Variants in AP4E1 observed in about 807,000 individuals in gnomAD.
AP4E1 encodes AP-4 complex subunit epsilon-1.
AP4E1 carries 56 observed loss-of-function variants against 128.2 expected under a neutral mutation model. That is an observed-to-expected ratio of 0.44 (90% confidence interval 0.35 to 0.55). The LOEUF (loss-of-function observed/expected upper bound fraction) is 0.55, where lower values mean the gene tolerates loss of function less well. Among genes scored for constraint, AP4E1 ranks in the 20% least tolerant of loss-of-function variants. The pLI, the probability that AP4E1 is intolerant of heterozygous loss-of-function variation, is 0.00. For missense variants in AP4E1, 1,324 were observed against 1,307.7 expected (o/e 1.01, Z -0.19); for synonymous variants, 484 against 473.1 (o/e 1.02, Z -0.30).
At position 51,002,540 on chromosome 15, in the gene AP4E1, A is replaced by G; in HGVS notation, c.3292A>G (p.Ile1098Val). 1.9e-6 allele frequency: 3 copies of G among 1,614,078 alleles called. No homozygotes were observed. Among genetic ancestry groups the G allele is most frequent in the Non-Finnish European group, 2.5e-6 (3 of 1,179,994 alleles). The change falls in exon 21 of 21, where the codon ATC becomes GTC. Residue 1098 changes from isoleucine to valine, a missense_variant. By Grantham distance (29) the Ile-to-Val change is conservative. Coordinates refer to ENST00000261842, the MANE Select transcript of AP4E1 (RefSeq NM_007347.5). ...GLLACQLLPS[I>V]PCLLHCRVHA... ...ATTGGCCTGTCAGCTGCTCCCATCC[A>G]TCCCCTGCTTACTGCATTGCCGAGT... is the stretch of plus-strand genomic sequence containing the variant.
Position 50,997,326 on chromosome 15 carries a change from C to A in AP4E1, c.2347C>A (p.Leu783Met). ...GLGSESTINL[L>M]GKADTVSHKF... is the part of the protein sequence containing the mutation. Reference sequence around the variant, plus strand: ...ATATTATTATGTTTTATTTTTGCAGCTGGGAAAAGCAGATACTGTCTCTCA... The same window carrying A: ...ATATTATTATGTTTTATTTTTGCAGATGGGAAAAGCAGATACTGTCTCTCA... The change falls in exon 18 of 21, where the codon CTG (leucine) becomes ATG (methionine). Residue 783 changes from leucine (L) to methionine (M), a missense_variant and splice_region_variant. Physicochemically the swap from Leu to Met is conservative, Grantham distance 15. Coordinates refer to ENST00000261842, the MANE Select transcript of AP4E1 (RefSeq NM_007347.5). 6.3e-7 allele frequency: 1 copy of A among 1,585,868 alleles called. No individual in the cohort carries two copies. The highest frequency in any genetic ancestry group is 1.4e-5 in the African/African-American group (1 of 73,094).
rs1480707420 is a variant in AP4E1 at position 50,993,442 on chromosome 15, CAAA to C, written c.2165_2167del (p.Lys722del). ...AAGGCTATCTTCCCAAGAAGGAAAG[CAAA>C]ACTGGTGATGAAAGTGGAGCTCTGC... On this transcript the variant is annotated inframe_deletion, in exon 17 of 21. Coordinates refer to ENST00000261842, the MANE Select transcript of AP4E1 (RefSeq NM_007347.5). 6.2e-7 allele frequency: 1 copy of C among 1,613,862 alleles called. No individual in the cohort carries two copies. The highest frequency in any genetic ancestry group is 8.5e-7 in the Non-Finnish European group (1 of 1,179,934).
In AP4E1 at chr15:50,965,808, CT is replaced by C. The variant is rs554277330; in HGVS notation, c.1852-2451del. On this transcript the variant is annotated intron_variant, in intron 14 of 20. Coordinates refer to ENST00000261842, the MANE Select transcript of AP4E1 (RefSeq NM_007347.5). ...ACCATTTTGGAGCTTGATCATCCAC[CT>C]TTTAGTTTCACACCTACTTTTTGCC... Among the ~76,000 whole-genome samples the C allele has an allele frequency of 4.7e-3, 712 of 152,278 alleles. 9 individuals are homozygous for C. Among genetic ancestry groups the C allele is most frequent in the African/African-American group, 0.017 (692 of 41,554 alleles).
intron 10 of AP4E1, 27 bp from the exon 11 acceptor site, chr15:50,947,993 T>C: frequency 6.6e-7 from 1 of 1,516,788 alleles, no homozygotes; most frequent in East Asian, 2.3e-5. Context: ...TTTATAATAT[T>C]GTTTTTAATT....
chr15:51,001,218 A>G (rs1230770631), intron 20 of AP4E1, 35 bp downstream of exon 20: 11 of 1,585,702 alleles, frequency 6.9e-6, no homozygotes, highest in Non-Finnish European at 9.5e-6. Flanking sequence ...TTCTGTGTTT[A>G]TAGGAGCTTT....
At chr15:50,933,999 G>A (rs960956713) in intron 7 of AP4E1, among the ~76,000 whole-genome samples, 31 of 152,082 alleles carry the variant, frequency 2.0e-4, no homozygotes, top group Admixed American at 6.5e-4. Flanking sequence ...TCTAACAAGC[G>A]TGGAGGCAGA....
At chr15:50,962,228 A>G (rs2064325435) in intron 14 of AP4E1, among the ~76,000 whole-genome samples, 1 of 152,086 alleles carries the variant, frequency 6.6e-6, no homozygotes, top group Admixed American at 6.6e-5. Context: ...TCAAAATACC[A>G]ATGACAGTCT....
chr15:50,958,579 G>A lies in AP4E1; in HGVS notation c.1636G>A (p.Val546Met), dbSNP rs777565969. Residue 546 changes from valine (V) to methionine (M), a missense_variant, in exon 14 of 21, where the codon GTG becomes ATG. Val to Met is a conservative substitution (Grantham distance 21). Coordinates refer to ENST00000261842, the MANE Select transcript of AP4E1 (RefSeq NM_007347.5). ...KLYKLLMNDS[V>M]SSETKAWLIA... ...CTACAAGTTACTTATGAATGACTCT[G>A]TGTCTTCAGAAACAAAAGCCTGGTT... The A allele has an allele frequency of 5.6e-6, 9 of 1,613,974 alleles. No homozygotes were observed. Among genetic ancestry groups the A allele is most frequent in the Non-Finnish European group, 6.8e-6 (8 of 1,180,012 alleles).
chr15:50,968,389 T>C lies in AP4E1; in HGVS notation c.1966+12T>C, dbSNP rs368304744. On this transcript the variant is annotated intron_variant, in intron 15 of 20. Transcript: ENST00000261842. Reference sequence around the variant, plus strand: ...TTCTCAGGAAAAAGGTAATTTTTCATGGATTTATGATAAGCTAGAGTGTAG... The same window carrying C: ...TTCTCAGGAAAAAGGTAATTTTTCACGGATTTATGATAAGCTAGAGTGTAG... 7 of 1,583,282 alleles carry C rather than the reference T, an allele frequency of 4.4e-6. No homozygotes were observed. The highest frequency in any genetic ancestry group is 6.1e-6 in the Non-Finnish European group (7 of 1,154,476).
intron 15 of AP4E1, among the ~76,000 whole-genome samples, chr15:50,974,439 A>G (rs941884257): frequency 6.0e-5 from 9 of 150,670 alleles, no homozygotes; most frequent in African/African-American, 2.2e-4. Flanking sequence ...GTTCATTTTT[A>G]ATTTTTTGTA....
At chr15:50,999,772 T>C (rs2064934110) in intron 19 of AP4E1, among the ~76,000 whole-genome samples, 1 of 152,066 alleles carries the variant, frequency 6.6e-6, no homozygotes, top group Non-Finnish European at 1.5e-5. Flanking sequence ...TACATATGTA[T>C]ACATGTGCCA....
rs1179382692 is a variant in AP4E1, at chr15:50,945,577, A to G, written c.1177-2443A>G. On this transcript the variant is annotated intron_variant, in intron 10 of 20. Coordinates refer to ENST00000261842, the MANE Select transcript of AP4E1 (RefSeq NM_007347.5). Reference sequence around the variant, plus strand: ...TGTGTCTGCTAGTTTCGATAAAGCTATTTGTATCTTTCCTATAGACAAAAG... The same window carrying G: ...TGTGTCTGCTAGTTTCGATAAAGCTGTTTGTATCTTTCCTATAGACAAAAG... 6 of 745,090 alleles carry G rather than the reference A, an allele frequency of 8.1e-6. No individual in the cohort carries two copies. The East Asian group carries it at 9.7e-5, about 12-fold the overall frequency. 46.2% of individuals were successfully genotyped at this position (745,090 alleles called of 1,614,324 possible). A position where few individuals can be genotyped will look rare whatever the true frequency, so the allele number is the denominator to read the frequency against.
chr15:50,911,620 C>T (rs1439016198), intron 1 of AP4E1, among the ~76,000 whole-genome samples: 3 of 151,038 alleles, frequency 2.0e-5, no homozygotes, highest in Admixed American at 1.3e-4. Flanking sequence ...TCTCGAGTAT[C>T]TGGGATTACA....
At chr15:50,950,342 A>G (rs938009445) in intron 13 of AP4E1, among the ~76,000 whole-genome samples, 173 bp downstream of exon 13, 4 of 152,120 alleles carry the variant, frequency 2.6e-5, no homozygotes, top group Non-Finnish European at 4.4e-5. Flanking sequence ...TCTCTCTGCC[A>G]TCTCACTTGT....
At chr15:50,973,957 T>G (rs2064517537) in intron 15 of AP4E1, among the ~76,000 whole-genome samples, 1 of 152,088 alleles carries the variant, frequency 6.6e-6, no homozygotes, top group African/African-American at 2.4e-5. Context: ...TGTTGGAGCA[T>G]ATAGTAGTTG....
intron 15 of AP4E1, among the ~76,000 whole-genome samples, chr15:50,982,431 G>GT (rs1288723065): frequency 2.0e-5 from 3 of 152,120 alleles, no homozygotes; most frequent in Non-Finnish European, 2.9e-5. Context: ...ATCACAAAGA[G>GT]TTTTTTAAAA....
intron 8 of AP4E1, among the ~76,000 whole-genome samples, chr15:50,941,032 C>T (rs763666754): frequency 4.6e-5 from 7 of 151,994 alleles, no homozygotes; most frequent in Non-Finnish European, 5.9e-5. Flanking sequence ...ATTAAAGGAA[C>T]GTGGGAAATA....
At position 51,002,680 on chromosome 15, in the gene AP4E1, T is replaced by C; in HGVS notation, c.*18T>C. 1 of 1,613,802 alleles carries C rather than the reference T, an allele frequency of 6.2e-7. No individual in the cohort carries two copies. Reference sequence around the variant, plus strand: ...GATCCTAGCAGAAGCCCTGCTAAATTTTACTCCATCAAGATCAATGGTTTA... The same window carrying C: ...GATCCTAGCAGAAGCCCTGCTAAATCTTACTCCATCAAGATCAATGGTTTA... On this transcript the variant is annotated 3_prime_UTR_variant, in exon 21 of 21. Coordinates refer to ENST00000261842, the MANE Select transcript of AP4E1 (RefSeq NM_007347.5).
At chr15:50,956,379 T>C (rs2064223187) in intron 13 of AP4E1, among the ~76,000 whole-genome samples, 1 of 152,220 alleles carries the variant, frequency 6.6e-6, no homozygotes, top group Admixed American at 6.5e-5. Flanking sequence ...CTCCTTTTCT[T>C]GCTGGTGCCG....
Sources: gnomAD v4.1 joint callset for allele counts (sites outside exome capture counted in the v4.1 genomes callset) on GRCh38, gnomAD v4.1.1 for gene constraint, MANE v1.5 for transcripts, NCBI Gene and HGNC (gene_info 2026-07-23, HGNC 2026-07-21) for gene names.